The following DPYD variants were observed in gnomAD, a reference collection of about 807,000 sequenced individuals.
DPYD encodes dihydropyrimidine dehydrogenase.
DPYD carries 109 observed loss-of-function variants against 116.2 expected under a neutral mutation model. That is an observed-to-expected ratio of 0.94 (90% CI 0.80 to 1.10). The LOEUF (loss-of-function observed/expected upper bound fraction) is 1.10, where lower values mean the gene tolerates loss of function less well. Among genes scored for constraint, DPYD ranks in the 50% least tolerant of loss-of-function variants. DPYD has a pLI of 0.00. For synonymous variants in DPYD, 440 were observed against 432.0 expected (o/e 1.02, Z -0.23); for missense variants, 1,302 against 1,254.5 (o/e 1.04, Z -0.57).
chr1:97,141,299 A>G (rs1159502123), intron 20 of DPYD, among the ~76,000 whole-genome samples: 1 of 152,138 alleles, frequency 6.6e-6, no homozygotes, highest in Non-Finnish European at 1.5e-5. Context: ...AAGTTAGAGC[A>G]TGAGCATGGC....
intron 8 of DPYD, among the ~76,000 whole-genome samples, chr1:97,617,880 C>T (rs556989482): frequency 3.9e-5 from 6 of 152,158 alleles, no homozygotes; most frequent in South Asian, 4.2e-4. Context: ...GTTATCACCT[C>T]GAAATAAGGA....
intron 2 of DPYD, among the ~76,000 whole-genome samples, chr1:97,847,245 CA>C (rs1670351771): frequency 6.6e-6 from 1 of 152,136 alleles, no homozygotes. Context: ...ATAATCTCTA[CA>C]AAAACACGTC....
At position 97,835,553 on chromosome 1, in the gene DPYD, T is replaced by C. The variant is rs182749516; in HGVS notation, c.151-7357A>G. 2.6e-5 allele frequency among the ~76,000 whole-genome samples: 4 copies of C among 152,212 alleles called. No individual in the cohort carries two copies. The East Asian group carries it at 7.7e-4, about 29-fold the overall frequency. On this transcript the variant is annotated intron_variant, in intron 2 of 22. Transcript: ENST00000370192. ...AATTAAAAGTTTAGCTACAGTATCC[T>C]ACCTGCTGATAATTCATTCCTATAT...
At chr1:97,818,598 A>C (rs1333275738) in intron 3 of DPYD, among the ~76,000 whole-genome samples, 1 of 151,988 alleles carries the variant, frequency 6.6e-6, no homozygotes, top group African/African-American at 2.4e-5. Context: ...CAGCTAATAT[A>C]ATTGTTTTCT....
intron 8 of DPYD, among the ~76,000 whole-genome samples, chr1:97,628,096 T>C (rs1350462646): frequency 3.3e-5 from 5 of 152,004 alleles, no homozygotes; most frequent in Non-Finnish European, 5.9e-5. Context: ...TGCCTGGATG[T>C]TGGGGGAAAG....
At chr1:97,754,631 T>TA (rs1413798559) in intron 3 of DPYD, among the ~76,000 whole-genome samples, 12 of 152,196 alleles carry the variant, frequency 7.9e-5, no homozygotes, top group African/African-American at 2.9e-4. Context: ...CAAATGTCTA[T>TA]AGAGCACTTA....
chr1:97,651,674 C>CA (rs1360258119), intron 8 of DPYD, among the ~76,000 whole-genome samples: 2 of 151,986 alleles, frequency 1.3e-5, no homozygotes, highest in African/African-American at 2.4e-5. Flanking sequence ...GATTTTGCAG[C>CA]AAAAAATCCT....
chr1:97,228,316 A>T (rs1031154674), intron 19 of DPYD, among the ~76,000 whole-genome samples: 1 of 152,136 alleles, frequency 6.6e-6, no homozygotes, highest in African/African-American at 2.4e-5. Flanking sequence ...CTTATGAAAA[A>T]AATTAGCTTT....
intron 14 of DPYD, among the ~76,000 whole-genome samples, chr1:97,420,405 C>A (rs528846591): frequency 3.6e-4 from 55 of 152,208 alleles, no homozygotes; most frequent in Middle Eastern, 3.4e-3. Flanking sequence ...TTTTACCTTG[C>A]CATGTTCATT....
chr1:97,420,434 C>T (rs990369841), intron 14 of DPYD, among the ~76,000 whole-genome samples: 5 of 151,846 alleles, frequency 3.3e-5, no homozygotes, highest in African/African-American at 1.2e-4. Flanking sequence ...CTTATTTTTT[C>T]CTTGGCTAAC....
At chr1:97,324,858 A>G in intron 16 of DPYD, among the ~76,000 whole-genome samples, 1 of 152,108 alleles carries the variant, frequency 6.6e-6, no homozygotes, top group East Asian at 1.9e-4. Flanking sequence ...ATGGATATGT[A>G]GACAGAGAAC....
chr1:97,771,564 A>G (rs1666144690), intron 3 of DPYD, among the ~76,000 whole-genome samples: 1 of 152,232 alleles, frequency 6.6e-6, no homozygotes, highest in Non-Finnish European at 1.5e-5. Context: ...TTCTAAAGAA[A>G]GAAAATTAAA....
intron 15 of DPYD, among the ~76,000 whole-genome samples, chr1:97,375,981 C>A (rs1310221540): frequency 6.6e-6 from 1 of 152,144 alleles, no homozygotes; most frequent in African/African-American, 2.4e-5. Context: ...ACCTAGCTAC[C>A]ATATTACACA....
intron 18 of DPYD, among the ~76,000 whole-genome samples, chr1:97,236,664 C>A (rs1054849153): frequency 9.9e-5 from 15 of 152,042 alleles, no homozygotes; most frequent in African/African-American, 3.1e-4. Context: ...CACACACACA[C>A]AAAACACACT....
chr1:97,136,450 T>G (rs1653802787), intron 20 of DPYD, among the ~76,000 whole-genome samples: 2 of 152,224 alleles, frequency 1.3e-5, no homozygotes. Context: ...CTGTGTGGAC[T>G]GCCTCGCGAA....
intron 20 of DPYD, among the ~76,000 whole-genome samples, chr1:97,124,767 C>A (rs774398945): frequency 3.9e-5 from 6 of 152,162 alleles, no homozygotes; most frequent in Non-Finnish European, 8.8e-5. Context: ...TGCATCCACA[C>A]AGTGAATAGT....
intron 2 of DPYD, among the ~76,000 whole-genome samples, chr1:97,870,551 T>C (rs1453317299): frequency 6.6e-6 from 1 of 151,752 alleles, no homozygotes; most frequent in Non-Finnish European, 1.5e-5. Flanking sequence ...ATATTCAAAG[T>C]AGTACATGCA....
chr1:97,672,300 G>A (rs1293132755), intron 8 of DPYD, among the ~76,000 whole-genome samples: 1 of 151,966 alleles, frequency 6.6e-6, no homozygotes, highest in Non-Finnish European at 1.5e-5. Flanking sequence ...ATTAATATGT[G>A]CTTTCTATAG....
At chr1:97,567,091 C>G (rs572618863) in intron 11 of DPYD, among the ~76,000 whole-genome samples, 99 of 152,138 alleles carry the variant, frequency 6.5e-4, no homozygotes, top group African/African-American at 2.3e-3. Flanking sequence ...ATTTTTGCAT[C>G]GTAAGAATCT....
Sources: allele counts gnomAD v4.1 joint callset (sites outside exome capture counted in the v4.1 genomes callset), GRCh38; gene constraint gnomAD v4.1.1; transcripts MANE v1.5; gene names NCBI Gene and HGNC (gene_info 2026-07-23, HGNC 2026-07-21).